The following NAALADL2 variants were observed in gnomAD, a reference collection of about 807,000 sequenced individuals.
The protein encoded by NAALADL2 is N-acetylated alpha-linked acidic dipeptidase like 2.
In NAALADL2, 76 loss-of-function variants were observed where a neutral mutation model predicts 87.2. The ratio of observed to expected loss-of-function variants is 0.87; its 90% confidence interval spans 0.72 to 1.05. NAALADL2 has a LOEUF of 1.05. Ranked by LOEUF, NAALADL2 falls within the 50% of genes least tolerant of loss-of-function variation. The pLI, the probability that NAALADL2 is intolerant of heterozygous loss-of-function variation, is 0.00. For synonymous variants in NAALADL2, 354 were observed against 331.0 expected (o/e 1.07, Z -0.75); for missense variants, 1,089 against 945.8 (o/e 1.15, Z -1.99).
chr3:175,515,807 C>T (rs1186617784), intron 9 of NAALADL2, among the ~76,000 whole-genome samples: 2 of 152,114 alleles, frequency 1.3e-5, no homozygotes, highest in Non-Finnish European at 2.9e-5. Flanking sequence ...TTTTTTTCCT[C>T]TCTCATGAGA....
chr3:174,472,772 G>A (rs1307797617), intron 1 of NAALADL2, among the ~76,000 whole-genome samples: 1 of 151,960 alleles, frequency 6.6e-6, no homozygotes, highest in East Asian at 1.9e-4. Flanking sequence ...AATAGTCTCA[G>A]TCCACACCAC....
In NAALADL2 at chr3:174,575,241, A is replaced by T. The variant is rs532663446; in HGVS notation, c.-115+24604A>T. Among the ~76,000 whole-genome samples, 396 of 152,278 alleles carry T rather than the reference A, an allele frequency of 2.6e-3. 2 individuals are homozygous for T. Among genetic ancestry groups the T allele is most frequent in the Non-Finnish European group, 4.5e-3 (309 of 67,982 alleles). On this transcript the variant is annotated intron_variant, in intron 2 of 3. Transcript: ENST00000434257. ...GAATCAAGTAGTATTTTTATGAATA[A>T]CTTACTAATTTTATATTGTAGACAA...
At chr3:175,346,415 C>A (rs1210225444) in intron 5 of NAALADL2, among the ~76,000 whole-genome samples, 3 of 152,130 alleles carry the variant, frequency 2.0e-5, no homozygotes, top group Admixed American at 2.0e-4. Flanking sequence ...CTGTGCCCAT[C>A]TTCCTCAATG....
At chr3:175,440,617 T>C (rs1719564858) in intron 5 of NAALADL2, among the ~76,000 whole-genome samples, 1 of 152,172 alleles carries the variant, frequency 6.6e-6, no homozygotes, top group African/African-American at 2.4e-5. Flanking sequence ...GTTAAGTATA[T>C]TCCTAAGTAT....
intron 3 of NAALADL2, among the ~76,000 whole-genome samples, chr3:174,773,528 G>A (rs895900036): frequency 6.6e-6 from 1 of 152,180 alleles, no homozygotes; most frequent in African/African-American, 2.4e-5. Flanking sequence ...AGAAGTGGTA[G>A]CTTAGGCAGA....
intron 2 of NAALADL2, among the ~76,000 whole-genome samples, chr3:174,693,447 A>G (rs1560149422): frequency 6.6e-6 from 1 of 152,132 alleles, no homozygotes; most frequent in Non-Finnish European, 1.5e-5. Context: ...TTATTTTACT[A>G]CCAAGAAATT....
At chr3:174,787,605 A>ATATATATATATATATATATATATATACG (rs1553855453) in intron 3 of NAALADL2, among the ~76,000 whole-genome samples, 1 of 89,248 alleles carries the variant, frequency 1.1e-5, no homozygotes, top group Admixed American at 1.2e-4. Context: ...ATATATATAT[A>ATATATATATATATATATATATATATACG]TATATATATA....
intron 4 of NAALADL2, among the ~76,000 whole-genome samples, chr3:175,301,284 AC>A (rs199933069): frequency 0.014 from 2,071 of 151,764 alleles, 51 homozygotes; most frequent in African/African-American, 0.047. Flanking sequence ...TTGTTCCCAA[AC>A]CCCCCGACAG....
At chr3:175,587,510 A>G (rs1447485392) in intron 10 of NAALADL2, among the ~76,000 whole-genome samples, 1 of 152,234 alleles carries the variant, frequency 6.6e-6, no homozygotes, top group Non-Finnish European at 1.5e-5. Context: ...GAAGGCATAT[A>G]TATTACATGG....
In NAALADL2 at chr3:175,200,121, C is replaced by G. The variant is rs111432873; in HGVS notation, c.546-33810C>G. Among the ~76,000 whole-genome samples, 1,072 of 151,714 alleles carry G rather than the reference C, an allele frequency of 7.1e-3. 15 individuals carry two copies. The highest frequency in any genetic ancestry group is 0.024 in the African/African-American group (1,001 of 41,446). On this transcript the variant is annotated intron_variant, in intron 2 of 13. Transcript: ENST00000454872. ...CCTGTCACCATCAATTTGTTTGAAA[C>G]TAGCTACTTCAAGCTGTTTTTACTT...
intron 1 of NAALADL2, among the ~76,000 whole-genome samples, chr3:175,045,252 A>T (rs1189409078): frequency 6.6e-6 from 1 of 152,158 alleles, no homozygotes; most frequent in African/African-American, 2.4e-5. Context: ...CTCTCCGTGG[A>T]CACTCCACCC....
chr3:175,385,948 T>C (rs1768329143), intron 5 of NAALADL2, among the ~76,000 whole-genome samples: 1 of 151,952 alleles, frequency 6.6e-6, no homozygotes, highest in Non-Finnish European at 1.5e-5. Context: ...TAGGGGAGAA[T>C]AAAAGATTTT....
chr3:175,795,380 A>G (rs1184437292), intron 13 of NAALADL2, among the ~76,000 whole-genome samples: 1 of 152,162 alleles, frequency 6.6e-6, no homozygotes, highest in African/African-American at 2.4e-5. Context: ...TCAAATCCAT[A>G]TTGTACTCTG....
chr3:174,564,439 C>A (rs990402598), intron 2 of NAALADL2, among the ~76,000 whole-genome samples: 4 of 151,954 alleles, frequency 2.6e-5, no homozygotes, highest in Admixed American at 2.6e-4. Context: ...CGTGGAAACC[C>A]GGGGAACCCT....
intron 2 of NAALADL2, among the ~76,000 whole-genome samples, chr3:174,650,730 A>G (rs142867903): frequency 8.6e-4 from 131 of 152,246 alleles, no homozygotes; most frequent in African/African-American, 2.8e-3. Flanking sequence ...ATTAGGATGT[A>G]GAATATGAAG....
chr3:174,961,603 A>C (rs1429615505), intron 1 of NAALADL2, among the ~76,000 whole-genome samples: 1 of 152,030 alleles, frequency 6.6e-6, no homozygotes, highest in Non-Finnish European at 1.5e-5. Flanking sequence ...TATCTTCAAG[A>C]TAGGAAACTG....
At chr3:175,578,059 C>T (rs955515505) in intron 10 of NAALADL2, among the ~76,000 whole-genome samples, 1 of 152,036 alleles carries the variant, frequency 6.6e-6, no homozygotes, top group Non-Finnish European at 1.5e-5. Context: ...AATTTTAAAT[C>T]GCTTCATGTT....
chr3:174,860,549 T>G (rs1726365266), intron 1 of NAALADL2, among the ~76,000 whole-genome samples: 1 of 152,146 alleles, frequency 6.6e-6, no homozygotes, highest in African/African-American at 2.4e-5. Flanking sequence ...GTCTCTAATA[T>G]TTTTCATTGG....
intron 2 of NAALADL2, among the ~76,000 whole-genome samples, chr3:174,710,004 G>T (rs1730464714): frequency 1.3e-5 from 2 of 152,156 alleles, no homozygotes. Flanking sequence ...GATTCACACT[G>T]ATTTAAAAAT....
Sources: allele counts gnomAD v4.1 joint callset (sites outside exome capture counted in the v4.1 genomes callset), GRCh38; gene constraint gnomAD v4.1.1; transcripts MANE v1.5; gene names NCBI Gene and HGNC (gene_info 2026-07-23, HGNC 2026-07-21).